Variants in MYO9A observed in about 807,000 individuals in gnomAD.
MYO9A encodes the protein unconventional myosin-IXa.
In MYO9A, 103 loss-of-function variants were observed where a neutral mutation model predicts 293.3. That is an observed-to-expected ratio of 0.35 (90% CI 0.30 to 0.41). The LOEUF is 0.41. MYO9A is among the 10% of genes least tolerant of loss of function. The pLI is 1.00. For missense variants in MYO9A, 2,685 were observed against 3,033.0 expected (o/e 0.89, Z 2.69); for synonymous variants, 1,001 against 1,035.7 (o/e 0.97, Z 0.64).
chr15:72,056,631 T>C (rs550697145), intron 1 of MYO9A, among the ~76,000 whole-genome samples: 1 of 152,302 alleles, frequency 6.6e-6, no homozygotes, highest in Middle Eastern at 3.4e-3. Context: ...TTGGGTATAG[T>C]GTATACTGCT....
chr15:72,075,699 A>G (rs1263885003), intron 1 of MYO9A, among the ~76,000 whole-genome samples: 2 of 151,994 alleles, frequency 1.3e-5, no homozygotes, highest in Non-Finnish European at 2.9e-5. Flanking sequence ...CCAAGACAAG[A>G]GGACTGCTTG....
chr15:71,928,257 T>G (rs559431228), intron 18 of MYO9A, among the ~76,000 whole-genome samples: 53 of 148,088 alleles, frequency 3.6e-4, no homozygotes, highest in Non-Finnish European at 6.3e-4. Context: ...TTTTGTATTT[T>G]TAGTAGAGAC....
intron 11 of MYO9A, among the ~76,000 whole-genome samples, chr15:71,989,442 G>A (rs573695050): frequency 8.5e-5 from 13 of 152,090 alleles, no homozygotes; most frequent in Non-Finnish European, 1.8e-4. Flanking sequence ...CCACAGATGC[G>A]CAAGTCTCTT....
rs58828099 is a variant in MYO9A, at chr15:72,103,647, C to CAGAAGAAGTAACAGAAGAAGCAGA, written c.-72+14032_-72+14033insTCTGCTTCTTCTGTTACTTCTTCT. On this transcript the variant is annotated intron_variant, in intron 1 of 41. Transcript: ENST00000356056. ...GAAGCAGAAGAAGAAACAGAAGAAG[C>CAGAAGAAGTAACAGAAGAAGCAGA]AGAAGTAACAGAAGAAGCAGCAGCA... is the stretch of plus-strand genomic sequence containing the variant. Among the ~76,000 whole-genome samples the CAGAAGAAGTAACAGAAGAAGCAGA allele has an allele frequency of 3.9e-3, 584 of 149,966 alleles. 14 individuals carry two copies. Among genetic ancestry groups the CAGAAGAAGTAACAGAAGAAGCAGA allele is most frequent in the African/African-American group, 0.014 (561 of 40,268 alleles).
intron 11 of MYO9A, among the ~76,000 whole-genome samples, chr15:71,985,710 G>C (rs2076391883): frequency 6.6e-6 from 1 of 152,128 alleles, no homozygotes; most frequent in South Asian, 2.1e-4. Flanking sequence ...CACTTCCCTA[G>C]ATTTCTTTCT....
At chr15:72,070,084 T>G (rs534137515) in intron 1 of MYO9A, among the ~76,000 whole-genome samples, 139 of 134,956 alleles carry the variant, frequency 1.0e-3, no homozygotes, top group African/African-American at 3.8e-3. Context: ...AGCCGAGATA[T>G]CTCCACTGCA....
intron 18 of MYO9A, 65 bp from the exon 19 acceptor site, chr15:71,916,557 C>T: frequency 6.6e-7 from 1 of 1,504,056 alleles, no homozygotes; most frequent in Non-Finnish European, 9.0e-7. Context: ...AAATTCTCAG[C>T]CAGTTTTCAT....
At chr15:72,037,165 GCACC>G (rs2078075163) in intron 2 of MYO9A, among the ~76,000 whole-genome samples, 1 of 148,070 alleles carries the variant, frequency 6.8e-6, no homozygotes, top group African/African-American at 2.5e-5. Flanking sequence ...ACTCCCCACT[GCACC>G]CACCCACCAT....
At chr15:71,943,217 C>T (rs992543598) in intron 15 of MYO9A, among the ~76,000 whole-genome samples, 8 of 151,864 alleles carry the variant, frequency 5.3e-5, no homozygotes, top group African/African-American at 1.9e-4. Flanking sequence ...GTCTCTTATG[C>T]TACCTTAAAA....
chr15:71,962,930 A>G (rs2075780564), intron 13 of MYO9A, among the ~76,000 whole-genome samples: 3 of 152,176 alleles, frequency 2.0e-5, no homozygotes, highest in Non-Finnish European at 4.4e-5. Context: ...TCAACTGACC[A>G]TATCATTCTT....
At chr15:72,005,942 C>G (rs777390472) in intron 8 of MYO9A, among the ~76,000 whole-genome samples, 1 of 152,122 alleles carries the variant, frequency 6.6e-6, no homozygotes, top group Non-Finnish European at 1.5e-5. Context: ...GCAAGTTATT[C>G]ATAACTGTCA....
At chr15:71,969,084 C>A (rs867929916) in intron 12 of MYO9A, among the ~76,000 whole-genome samples, 1 of 152,154 alleles carries the variant, frequency 6.6e-6, no homozygotes, top group Non-Finnish European at 1.5e-5. Flanking sequence ...ACTAGGTAAC[C>A]TTCTTTGAGA....
At chr15:72,056,519 C>T (rs2078722995) in intron 1 of MYO9A, among the ~76,000 whole-genome samples, 1 of 152,202 alleles carries the variant, frequency 6.6e-6, no homozygotes, top group African/African-American at 2.4e-5. Flanking sequence ...TGTTCTCGCT[C>T]ATAAGCAGGA....
chr15:71,899,671 T>G lies in MYO9A; in HGVS notation c.3470+16A>C. 6 of 1,586,648 alleles carry G rather than the reference T, an allele frequency of 3.8e-6. No homozygotes were observed. The highest frequency in any genetic ancestry group is 4.3e-6 in the Non-Finnish European group (5 of 1,166,698). ...GGAAGAAGAAAAAAAGCAATTATTATAGTAATAGAGATTACCTTTGTCTTG... is the reference window on the plus strand; with the variant it reads ...GGAAGAAGAAAAAAAGCAATTATTAGAGTAATAGAGATTACCTTTGTCTTG... On this transcript the variant is annotated intron_variant, in intron 24 of 41. Transcript: ENST00000356056.
intron 1 of MYO9A, among the ~76,000 whole-genome samples, chr15:72,067,517 G>A (rs1044308807): frequency 2.0e-5 from 3 of 151,828 alleles, no homozygotes; most frequent in African/African-American, 7.3e-5. Flanking sequence ...TCCTGACCTC[G>A]TGATCCACCC....
intron 15 of MYO9A, among the ~76,000 whole-genome samples, chr15:71,947,476 T>A (rs953478554): frequency 6.6e-6 from 1 of 152,176 alleles, no homozygotes; most frequent in South Asian, 2.1e-4. Flanking sequence ...AGTTGTAATA[T>A]GTTGTTTCCA....
chr15:71,975,120 C>G (rs1033498045), intron 12 of MYO9A, among the ~76,000 whole-genome samples: 1 of 152,152 alleles, frequency 6.6e-6, no homozygotes, highest in Non-Finnish European at 1.5e-5. Flanking sequence ...GAAAGGAAGC[C>G]TGCAAACTTG....
In MYO9A at chr15:71,893,680, T is replaced by A. The variant is rs780043542; in HGVS notation, c.5141A>T (p.Glu1714Val). 19 of 1,611,816 alleles carry A rather than the reference T, an allele frequency of 1.2e-5. No homozygotes were observed. The highest frequency in any genetic ancestry group is 1.6e-5 in the Non-Finnish European group (19 of 1,178,368). The change falls in exon 26 of 42, where the codon GAG becomes GTG. Residue 1714 changes from glutamate to valine, a missense_variant and splice_region_variant. By Grantham distance (121) the Glu-to-Val change is moderately radical. Coordinates refer to ENST00000356056, the MANE Select transcript of MYO9A (RefSeq NM_006901.4). ...PVKLAGPGQR[E>V]TSQRFSSVDE... Reference sequence around the variant, plus strand: ...GATAAACAAAAACTCAAAACTTACCTCTCTTTGGCCTGGCCCAGCTAACTT... The same window carrying A: ...GATAAACAAAAACTCAAAACTTACCACTCTTTGGCCTGGCCCAGCTAACTT...
Position 71,899,817 on chromosome 15 carries a change from G to A in MYO9A, c.3340C>T (p.Arg1114Cys), listed in dbSNP as rs779400720. The A allele has an allele frequency of 3.5e-5, 57 of 1,613,918 alleles. No individual in the cohort carries two copies. Among genetic ancestry groups the A allele is most frequent in the Non-Finnish European group, 4.6e-5 (54 of 1,180,032 alleles). The stretch of plus-strand genomic sequence containing the variant: ...ATGCAAATAGCAGCCATGTGCCTGC[G>A]CCTATAGTAATCTCTCCATTTCTGC... ...IQQKWRDYYR[R>C]RHMAAICIQA... Residue 1114 changes from arginine (R) to cysteine (C), a missense_variant, in exon 24 of 42, where the codon CGC (arginine) becomes TGC (cysteine). This residue lies in a region of MYO9A where 1,434 missense variants were observed against 1,497.7 expected (regional missense o/e 0.96). Coordinates refer to ENST00000356056, the MANE Select transcript of MYO9A (RefSeq NM_006901.4).
Sources: allele counts gnomAD v4.1 joint callset (sites outside exome capture counted in the v4.1 genomes callset), GRCh38; gene constraint gnomAD v4.1.1; regional missense constraint gnomAD v4.1.1; transcripts MANE v1.5; gene names NCBI Gene and HGNC (gene_info 2026-07-23, HGNC 2026-07-21).